BRD10: variants seen among roughly 807,000 people sequenced by gnomAD.
BRD10 encodes bromodomain containing 10.
At chr9:5,884,266 A>G in the BRD10 span, among the ~76,000 whole-genome samples, 1 of 152,336 alleles carries the variant, frequency 6.6e-6, no homozygotes, top group Non-Finnish European at 1.5e-5. Context: ...ATTTACTGCA[A>G]GTCTGGTCAA....
At chr9:5,975,250 A>T in the BRD10 span, among the ~76,000 whole-genome samples, 3 of 151,972 alleles carry the variant, frequency 2.0e-5, no homozygotes, top group African/African-American at 7.3e-5. Flanking sequence ...AACCTGACCA[A>T]CATGGTGAAA....
At chr9:5,906,457 A>G in the BRD10 span, among the ~76,000 whole-genome samples, 221 of 152,346 alleles carry the variant, frequency 1.5e-3, no homozygotes, top group Non-Finnish European at 2.3e-3. Context: ...CTTTTTCTCT[A>G]AAGAACTTCA....
At chr9:5,979,984 C>T in the BRD10 span, among the ~76,000 whole-genome samples, 19 of 126,612 alleles carry the variant, frequency 1.5e-4, 1 homozygote, top group East Asian at 4.1e-3. Context: ...CACTGCACTA[C>T]AGCCTGGGCA....
At chr9:5,879,188 T>A in the BRD10 span, among the ~76,000 whole-genome samples, 11 of 151,972 alleles carry the variant, frequency 7.2e-5, no homozygotes, top group Non-Finnish European at 1.6e-4. Flanking sequence ...TCAGGCTGGG[T>A]GCGGTGGCTC....
chr9:5,969,202 T>C, the BRD10 span: 2 of 1,613,736 alleles, frequency 1.2e-6, no homozygotes, highest in Non-Finnish European at 1.7e-6. Flanking sequence ...AAGTCATTAT[T>C]TTCGATAGAA....
chr9:5,915,421 T>C, the BRD10 span, among the ~76,000 whole-genome samples: 1 of 152,250 alleles, frequency 6.6e-6, no homozygotes, highest in Non-Finnish European at 1.5e-5. Context: ...GTCCCCATCT[T>C]AAGTTTGACT....
chr9:6,001,114 T>C, the BRD10 span, among the ~76,000 whole-genome samples: 97 of 152,306 alleles, frequency 6.4e-4, no homozygotes, highest in African/African-American at 2.2e-3. Flanking sequence ...TGCTCCTTCA[T>C]ACTCCACATT....
At chr9:5,983,983 AC>A in the BRD10 span, among the ~76,000 whole-genome samples, 1 of 151,240 alleles carries the variant, frequency 6.6e-6, no homozygotes, top group Non-Finnish European at 1.5e-5. Context: ...ACACACACAC[AC>A]ACACACACAC....
the BRD10 span, among the ~76,000 whole-genome samples, chr9:5,994,808 G>C: frequency 6.6e-6 from 1 of 151,998 alleles, no homozygotes; most frequent in Non-Finnish European, 1.5e-5. Context: ...TATAACCTCA[G>C]CTGGGCTCAA....
At chr9:6,002,692 T>C in the BRD10 span, among the ~76,000 whole-genome samples, 2 of 151,698 alleles carry the variant, frequency 1.3e-5, no homozygotes, top group South Asian at 4.1e-4. Context: ...CTGTACTTTT[T>C]TTTTTTTTTT....
the BRD10 span, among the ~76,000 whole-genome samples, chr9:5,952,411 C>T: frequency 7.2e-5 from 11 of 152,318 alleles, 1 homozygote; most frequent in African/African-American, 2.6e-4. Flanking sequence ...CTTGTGTACA[C>T]ACATACAATT....
At chr9:5,936,643 A>T in the BRD10 span, among the ~76,000 whole-genome samples, 1 of 152,170 alleles carries the variant, frequency 6.6e-6, no homozygotes, top group African/African-American at 2.4e-5. Flanking sequence ...AGATGCTAAG[A>T]AAGTTTTATT....
the BRD10 span, among the ~76,000 whole-genome samples, chr9:5,916,652 G>A: frequency 6.6e-6 from 1 of 151,948 alleles, no homozygotes; most frequent in Admixed American, 6.6e-5. Context: ...TAGGAAATGA[G>A]AGGAAAGGGA....
chr9:5,980,593 T>C, the BRD10 span, among the ~76,000 whole-genome samples: 4 of 151,818 alleles, frequency 2.6e-5, no homozygotes, highest in Non-Finnish European at 4.4e-5. Flanking sequence ...GAAACCAAAT[T>C]AGGTACATTT....
the BRD10 span, among the ~76,000 whole-genome samples, chr9:5,966,455 CT>C: frequency 2.4e-5 from 2 of 83,772 alleles, no homozygotes; most frequent in African/African-American, 4.6e-5. Context: ...CTAACATTTC[CT>C]TTTTTTTTTT....
At chr9:5,952,382 A>C in the BRD10 span, among the ~76,000 whole-genome samples, 1 of 152,166 alleles carries the variant, frequency 6.6e-6, no homozygotes, top group African/African-American at 2.4e-5. Context: ...GGTCAGCAAC[A>C]CATTTTACAA....
the BRD10 span, chr9:6,007,527 G>T: frequency 6.2e-7 from 1 of 1,612,908 alleles, no homozygotes; most frequent in African/African-American, 1.3e-5. Flanking sequence ...GCAGGAACTC[G>T]CCCAGGATGC....
chr9:5,923,285 T>G, the BRD10 span: 5 of 1,608,290 alleles, frequency 3.1e-6, no homozygotes, highest in African/African-American at 6.7e-5. Context: ...CATAGGAAAA[T>G]CTATTTCTGA....
the BRD10 span, chr9:5,922,368 T>C: frequency 6.8e-6 from 11 of 1,613,992 alleles, no homozygotes; most frequent in Non-Finnish European, 9.3e-6. Flanking sequence ...TTCTTGGCTT[T>C]TCCTGCCTCA....
Sources: allele counts gnomAD v4.1 joint callset (sites outside exome capture counted in the v4.1 genomes callset), GRCh38; gene constraint gnomAD v4.1.1; transcripts MANE v1.5; gene names NCBI Gene and HGNC (gene_info 2026-07-23, HGNC 2026-07-21).